ITGA3: variants seen among roughly 807,000 people sequenced by gnomAD.
ITGA3 encodes integrin subunit alpha 3, also known as integrin alpha-3.
In ITGA3, 70 loss-of-function variants were observed where a neutral mutation model predicts 131.1. The observed-to-expected ratio is 0.53, with a 90% confidence interval of 0.44 to 0.65. ITGA3 has a LOEUF of 0.65. Ranked by LOEUF, ITGA3 falls within the 30% of genes least tolerant of loss-of-function variation. The probability of loss-of-function intolerance (pLI) is 0.00; values close to 1 mark genes in which losing one functional copy is unlikely to be tolerated. For synonymous variants in ITGA3, 537 were observed against 571.6 expected (o/e 0.94, Z 0.86); for missense variants, 1,098 against 1,388.6 (o/e 0.79, Z 3.33).
At chr17:50,083,638 C>T (rs1026862537) in intron 23 of ITGA3, among the ~76,000 whole-genome samples, 2 of 150,146 alleles carry the variant, frequency 1.3e-5, no homozygotes, top group East Asian at 2.0e-4. Context: ...GCAGGAGAAT[C>T]GCTTGAGCTC....
At position 50,076,375 on chromosome 17, in the gene ITGA3, C is replaced by G; in HGVS notation, c.1724C>G (p.Ser575Cys). ...LRPIIISMNY[S>C]LPLRMPDRPR... ...CCCATCATCATCTCCATGAACTACT[C>G]TTTACCTTTGCGGATGCCCGATCGC... Residue 575 changes from serine (S) to cysteine (C), a missense_variant, in exon 13 of 26, where the codon TCT (serine) becomes TGT (cysteine). Physicochemically the swap from Ser to Cys is moderately radical, Grantham distance 112. This residue lies in a region of ITGA3 where 699 missense variants were observed against 829.2 expected (regional missense o/e 0.84). Transcript: ENST00000320031. 1 of 1,613,734 alleles carries G rather than the reference C, an allele frequency of 6.2e-7. No homozygotes were observed. The highest frequency in any genetic ancestry group is 8.5e-7 in the Non-Finnish European group (1 of 1,179,998).
rs749193327 is a variant in ITGA3 at position 50,085,526 on chromosome 17, T to C, written c.2920-2218T>C. 2.2e-4 allele frequency among the ~76,000 whole-genome samples: 33 copies of C among 151,656 alleles called. 1 individual carries two copies. Among genetic ancestry groups the C allele is most frequent in the Admixed American group, 1.3e-3 (20 of 15,222 alleles). On this transcript the variant is annotated intron_variant, in intron 23 of 25. Transcript: ENST00000320031. Reference sequence around the variant, plus strand: ...TAAAAATACAAAAATGAGCTGGTTGTGGTGGTGGGCACCTGTAATCTCAGA... The same window carrying C: ...TAAAAATACAAAAATGAGCTGGTTGCGGTGGTGGGCACCTGTAATCTCAGA...
intron 23 of ITGA3, among the ~76,000 whole-genome samples, chr17:50,084,432 A>G (rs1377651954): frequency 6.6e-6 from 1 of 152,084 alleles, no homozygotes; most frequent in Non-Finnish European, 1.5e-5. Context: ...CAAGTATACA[A>G]AGATAAATAT....
At chr17:50,081,172 C>A in intron 22 of ITGA3, 138 bp from the exon 23 acceptor site, 2 of 606,508 alleles carry the variant, frequency 3.3e-6, no homozygotes, top group Admixed American at 2.8e-5. Context: ...GGAGGGGAGG[C>A]CTGGCTGACA....
intron 23 of ITGA3, 134 bp downstream of exon 23, chr17:50,081,542 A>C: frequency 1.5e-6 from 1 of 689,002 alleles, no homozygotes; most frequent in East Asian, 2.8e-5. Context: ...TATCTGGAGG[A>C]GTTCTGGTGT....
Position 50,070,876 on chromosome 17 carries a change from G to A in ITGA3, c.697G>A (p.Asp233Asn). The A allele has an allele frequency of 6.2e-7, 1 of 1,612,774 alleles. No homozygotes were observed. Among genetic ancestry groups the A allele is most frequent in the Non-Finnish European group, 8.5e-7 (1 of 1,178,964 alleles). Residue 233 changes from aspartate to asparagine, a missense_variant, in exon 5 of 26, where the codon GAC (aspartate) becomes AAC (asparagine). Asp to Asn is a conservative substitution (Grantham distance 23). This residue lies in a region of ITGA3 where 356 missense variants were observed against 529.2 expected (regional missense o/e 0.67). Transcript: ENST00000320031. ...CTACATGATTCAGCGCAAGGAGTGG[G>A]ACTTATCTGAGTATAGTTACAAGGA... ...NSYMIQRKEWDLSEYSYKDPE... is the reference protein window; with the variant it reads ...NSYMIQRKEWNLSEYSYKDPE...
chr17:50,073,060 T>C lies in ITGA3; in HGVS notation c.1157-856T>C, dbSNP rs371642719. Among the ~76,000 whole-genome samples, 20 of 152,318 alleles carry C rather than the reference T, an allele frequency of 1.3e-4. No individual in the cohort carries two copies. The East Asian group carries it at 1.5e-3, about 12-fold the overall frequency. ...CAGTCACCAGAGGCCAAGTGTGCAC[T>C]GTGGAAATCATTTGGTTTCGGCCTG... On this transcript the variant is annotated intron_variant, in intron 7 of 25. Coordinates refer to ENST00000320031, the MANE Select transcript of ITGA3 (RefSeq NM_002204.4).
rs1057019437 is a variant in ITGA3, at chr17:50,089,582, C to T, written c.*504C>T. Reference sequence around the variant, plus strand: ...CTCGCCGTGTCTCAGCCTCTGCCAGCGCCAAAACAAGCCAAAGAGCCTCCC... The same window carrying T: ...CTCGCCGTGTCTCAGCCTCTGCCAGTGCCAAAACAAGCCAAAGAGCCTCCC... On this transcript the variant is annotated 3_prime_UTR_variant, in exon 26 of 26. Coordinates refer to ENST00000320031, the MANE Select transcript of ITGA3 (RefSeq NM_002204.4). 1.0e-4 allele frequency: 30 copies of T among 301,320 alleles called. No individual in the cohort carries two copies. Among genetic ancestry groups the T allele is most frequent in the African/African-American group, 3.2e-4 (15 of 47,616 alleles). 18.7% of individuals were successfully genotyped at this position (301,320 alleles called of 1,614,324 possible).
chr17:50,089,351 G>A lies in ITGA3; in HGVS notation c.*273G>A. 8.3e-7 allele frequency: 1 copy of A among 1,205,006 alleles called. No individual in the cohort carries two copies. 74.6% of individuals were successfully genotyped at this position (1,205,006 alleles called of 1,614,324 possible). A position where few individuals can be genotyped will look rare whatever the true frequency, so the allele number is the denominator to read the frequency against. On this transcript the variant is annotated 3_prime_UTR_variant, in exon 26 of 26. Coordinates refer to ENST00000320031, the MANE Select transcript of ITGA3 (RefSeq NM_002204.4). ...GTTATGCCTCTGACAGTCCACAGGGGCCACCACCTTTGGCTGGTAGCAGCA... is the reference window on the plus strand; with the variant it reads ...GTTATGCCTCTGACAGTCCACAGGGACCACCACCTTTGGCTGGTAGCAGCA...
Position 50,068,285 on chromosome 17 carries a change from C to T in ITGA3, c.644C>T (p.Pro215Leu). The T allele has an allele frequency of 6.2e-7, 1 of 1,613,422 alleles. No individual in the cohort carries two copies. The change falls in exon 4 of 26, where the codon CCC becomes CTC. Residue 215 changes from proline to leucine, a missense_variant. Pro to Leu is a moderately conservative substitution (Grantham distance 98). Transcript: ENST00000320031. The part of the protein sequence containing the change: ...FTQNTVYFGA[P>L]GAYNWKGNSY... ...CAGAACACTGTGTACTTCGGCGCCC[C>T]CGGTGCCTACAACTGGAAAGGTGGG...
intron 6 of ITGA3, 110 bp from the exon 7 acceptor site, chr17:50,071,876 G>A: frequency 1.1e-6 from 1 of 930,954 alleles, no homozygotes; most frequent in Non-Finnish European, 1.6e-6. Context: ...GTGGCCGGAA[G>A]AGCCATTTGC....
intron 4 of ITGA3, 46 bp from the exon 5 acceptor site, chr17:50,070,798 G>A: frequency 2.3e-6 from 3 of 1,312,578 alleles, no homozygotes; most frequent in Admixed American, 1.7e-5. Flanking sequence ...CCAGAAACCG[G>A]TGGTGACTTA....
chr17:50,057,282 C>T (rs537961507), intron 1 of ITGA3, among the ~76,000 whole-genome samples: 11 of 152,292 alleles, frequency 7.2e-5, no homozygotes, highest in East Asian at 1.9e-4. Flanking sequence ...CCTGCCCACC[C>T]GCAAGCAGTG....
At chr17:50,060,373 G>T (rs923073200) in intron 1 of ITGA3, among the ~76,000 whole-genome samples, 2 of 152,232 alleles carry the variant, frequency 1.3e-5, no homozygotes, top group African/African-American at 4.8e-5. Flanking sequence ...GCCCCCAGGG[G>T]CCTTCTCCTC....
rs1338154610 is a variant in ITGA3, at chr17:50,076,444, A to G, written c.1793A>G (p.Asn598Ser). 5.0e-6 allele frequency: 8 copies of G among 1,610,234 alleles called. No homozygotes were observed. The highest frequency in any genetic ancestry group is 1.6e-4 in the Middle Eastern group (1 of 6,084). Residue 598 changes from asparagine to serine, a missense_variant, in exon 13 of 26, where the codon AAC becomes AGC. Coordinates refer to ENST00000320031, the MANE Select transcript of ITGA3 (RefSeq NM_002204.4). ...TCCCTGGACGCCTACCCGATCCTCA[A>G]CCAGGCACAGGCTCTGGAGAACCAC... Reference protein sequence around the residue: ...LRSLDAYPILNQAQALENHTE... With the variant: ...LRSLDAYPILSQAQALENHTE...
intron 23 of ITGA3, chr17:50,086,869 A>T (rs1909470993): frequency 6.6e-6 from 1 of 151,730 alleles, no homozygotes; most frequent in Admixed American, 6.6e-5. Flanking sequence ...CCTGACCAAC[A>T]TGGTGAAACC....
At chr17:50,076,558 C>T (rs1180571549) in intron 13 of ITGA3, 26 bp from the exon 14 acceptor site, 2 of 1,609,766 alleles carry the variant, frequency 1.2e-6, no homozygotes, top group Non-Finnish European at 1.7e-6. Flanking sequence ...GGTGGTGCGG[C>T]CTTCACACCT....
intron 23 of ITGA3, among the ~76,000 whole-genome samples, chr17:50,084,646 A>G (rs1909312404): frequency 6.6e-6 from 1 of 152,188 alleles, no homozygotes; most frequent in Non-Finnish European, 1.5e-5. Flanking sequence ...CTGGCTGGGC[A>G]TGGTGGCTTA....
In ITGA3 at chr17:50,068,861, T is replaced by TA. The variant is rs3059822; in HGVS notation, c.664+556_664+557insA. ...TTATTTATTTATTTATTTATTTATT[T>TA]TTTTGAGACAGAGTCTCACTCTGTC... On this transcript the variant is annotated intron_variant, in intron 4 of 25. Coordinates refer to ENST00000320031, the MANE Select transcript of ITGA3 (RefSeq NM_002204.4). Among the ~76,000 whole-genome samples, 264 of 143,036 alleles carry TA rather than the reference T, an allele frequency of 1.8e-3. 1 individual carries two copies. Among genetic ancestry groups the TA allele is most frequent in the Non-Finnish European group, 3.0e-3 (199 of 65,332 alleles). The allele number at this position is 143,036 out of a possible 152,430, so 93.8% of individuals were successfully genotyped here.
Sources: gnomAD v4.1 joint callset for allele counts (sites outside exome capture counted in the v4.1 genomes callset) on GRCh38, gnomAD v4.1.1 for gene constraint, gnomAD v4.1.1 regional missense constraint, MANE v1.5 for transcripts, NCBI Gene and HGNC (gene_info 2026-07-23, HGNC 2026-07-21) for gene names.